The following NCKIPSD variants were observed in gnomAD, a reference collection of about 807,000 sequenced individuals.
The protein encoded by NCKIPSD is NCK interacting protein with SH3 domain.
A neutral mutation model predicts 73.4 loss-of-function variants in NCKIPSD; 48 were observed. That is an observed-to-expected ratio of 0.65 (90% CI 0.52 to 0.83). NCKIPSD has a LOEUF of 0.83. NCKIPSD is among the 40% of genes least tolerant of loss of function. The pLI, the probability that NCKIPSD is intolerant of heterozygous loss-of-function variation, is 0.00. For synonymous variants in NCKIPSD, 422 were observed against 403.6 expected (o/e 1.05, Z -0.54); for missense variants, 884 against 970.2 (o/e 0.91, Z 1.18).
chr3:48,684,430 G>C (rs2077403938), intron 1 of NCKIPSD, among the ~76,000 whole-genome samples: 1 of 152,154 alleles, frequency 6.6e-6, no homozygotes, highest in Non-Finnish European at 1.5e-5. Context: ...AGCAGCCATG[G>C]TGTCCACGGC....
intron 9 of NCKIPSD, 45 bp from the exon 10 acceptor site, chr3:48,679,228 AC>A (rs753564834): frequency 6.2e-7 from 1 of 1,608,538 alleles, no homozygotes; most frequent in Non-Finnish European, 8.5e-7. Context: ...TTCCCCTCCG[AC>A]CCCCGCACCA....
chr3:48,678,540 G>A (rs777838447), intron 12 of NCKIPSD, 24 bp downstream of exon 12: 9 of 1,594,832 alleles, frequency 5.6e-6, no homozygotes, highest in South Asian at 3.4e-5. Context: ...AGTGACCCCC[G>A]CTGCTGCAGC....
Position 48,681,755 on chromosome 3 carries a change from C to T in NCKIPSD, c.624G>A (p.Gly208=). The T allele has an allele frequency of 6.6e-7, 1 of 1,517,070 alleles. No individual in the cohort carries two copies. The highest frequency in any genetic ancestry group is 8.8e-7 in the Non-Finnish European group (1 of 1,134,304). 94.0% of individuals were successfully genotyped at this position (1,517,070 alleles called of 1,614,324 possible). The change falls in exon 5 of 13, where the codon GGG becomes GGA. Residue 208 remains glycine, a synonymous_variant. Coordinates refer to ENST00000294129, the MANE Select transcript of NCKIPSD (RefSeq NM_016453.4). ...AGGAGCCGCTGGACACAGAGTTACC[C>T]CCGGAGGGCATGGTGTTGTGGCCAC... is the stretch of plus-strand genomic sequence containing the variant. ...GSGGHNTMPS[G]GNSVSSGSSV...
At chr3:48,678,828 G>A (rs564105629) in intron 11 of NCKIPSD, 49 bp downstream of exon 11, 3 of 1,613,654 alleles carry the variant, frequency 1.9e-6, no homozygotes, top group African/African-American at 1.3e-5. Flanking sequence ...AGGGGTCATG[G>A]AGTCACAGGG....
chr3:48,674,886 T>A, intron 12 of NCKIPSD, 139 bp from the exon 13 acceptor site: 1 of 787,026 alleles, frequency 1.3e-6, no homozygotes, highest in Non-Finnish European at 2.0e-6. Context: ...ACCCACAATA[T>A]ACCTGGCACA....
chr3:48,674,280 G>A lies in NCKIPSD; in HGVS notation c.*264C>T, dbSNP rs562540352. ...TGTACACATGGGTGTGGGGTGAAGA[G>A]GGGGGCATGCTGAAGAGGAAGCCTA... On this transcript the variant is annotated 3_prime_UTR_variant, in exon 13 of 13. Transcript: ENST00000294129. 5.2e-6 allele frequency: 7 copies of A among 1,345,212 alleles called. No homozygotes were observed. In the African/African-American group the frequency reaches 5.9e-5, roughly 11 times the overall value. 83.3% of individuals were successfully genotyped at this position (1,345,212 alleles called of 1,614,324 possible).
rs181941927 is a variant in NCKIPSD, at chr3:48,676,110, G to A, written c.1966-1363C>T. ...TCATTCACCACCGCAAACCTCAAAC[G>A]GACACACAGCACTGCCTGAGCCTCC... On this transcript the variant is annotated intron_variant, in intron 12 of 12. Coordinates refer to ENST00000294129, the MANE Select transcript of NCKIPSD (RefSeq NM_016453.4). 2.0e-4 allele frequency among the ~76,000 whole-genome samples: 30 copies of A among 152,208 alleles called. No homozygotes were observed. In the East Asian group the frequency reaches 2.3e-3, roughly 12 times the overall value.
rs1209155416 is a variant in NCKIPSD, at chr3:48,679,073, G to A, written c.1681C>T (p.Leu561Phe). The change falls in exon 10 of 13, where the codon CTC becomes TTC. Residue 561 changes from leucine to phenylalanine, a missense_variant. Physicochemically the swap from Leu to Phe is conservative, Grantham distance 22. Coordinates refer to ENST00000294129, the MANE Select transcript of NCKIPSD (RefSeq NM_016453.4). ...ACCCCACCTGGCAGGTGCAGGTTGA[G>A]AGCCAGAAGCAGGTTCACGCAGAGG... ...PDLCVNLLLA[L>F]NLHLPAADQN... 6.2e-7 allele frequency: 1 copy of A among 1,614,152 alleles called. No individual in the cohort carries two copies. Among genetic ancestry groups the A allele is most frequent in the South Asian group, 1.1e-5 (1 of 91,082 alleles).
chr3:48,679,050 C>A lies in NCKIPSD; in HGVS notation c.1699+5G>T. Reference sequence around the variant, plus strand: ...CAGCCACCGCCCAGCCAGGCCCCACCCCACCTGGCAGGTGCAGGTTGAGAG... The same window carrying A: ...CAGCCACCGCCCAGCCAGGCCCCACACCACCTGGCAGGTGCAGGTTGAGAG... On this transcript the variant is annotated splice_donor_5th_base_variant and intron_variant, in intron 10 of 12. Coordinates refer to ENST00000294129, the MANE Select transcript of NCKIPSD (RefSeq NM_016453.4). The A allele has an allele frequency of 6.2e-7, 1 of 1,614,162 alleles. No homozygotes were observed.
rs777372660 is a variant in NCKIPSD at position 48,685,856 on chromosome 3, A to G, written c.-49T>C. ...GGAAGGTGGCAAGGGCTGCGGCGCC[A>G]CAACGCCAGGCCGGGAGCGCCGAGC... On this transcript the variant is annotated 5_prime_UTR_variant, in exon 1 of 13. Coordinates refer to ENST00000294129, the MANE Select transcript of NCKIPSD (RefSeq NM_016453.4). 562 of 1,357,330 alleles carry G rather than the reference A, an allele frequency of 4.1e-4. 2 individuals are homozygous for G. The highest frequency in any genetic ancestry group is 2.0e-3 in the Admixed American group (50 of 25,566). The allele number at this position is 1,357,330 out of a possible 1,614,324, so 84.1% of individuals were successfully genotyped here. A position where few individuals can be genotyped will look rare whatever the true frequency, so the allele number is the denominator to read the frequency against.
At position 48,682,107 on chromosome 3, in the gene NCKIPSD, G is replaced by A; in HGVS notation, c.536C>T (p.Pro179Leu). Residue 179 changes from proline (P) to leucine (L), a missense_variant, in exon 4 of 13, where the codon CCC becomes CTC. Coordinates refer to ENST00000294129, the MANE Select transcript of NCKIPSD (RefSeq NM_016453.4). ...QIPPQPRRAA[P>L]TTPPPPVKRR... The stretch of plus-strand genomic sequence containing the variant: ...CTTCACTGGTGGGGGCGGTGTGGTG[G>A]GTGCTGCTCGGCGAGGCTGTGGTGG... 1 of 1,601,166 alleles carries A rather than the reference G, an allele frequency of 6.2e-7. No individual in the cohort carries two copies. The highest frequency in any genetic ancestry group is 8.5e-7 in the Non-Finnish European group (1 of 1,179,818).
In NCKIPSD at chr3:48,681,571, G is replaced by T; in HGVS notation, c.808C>A (p.Pro270Thr). ...PPPSKASAPEPPAEEEVATGT... is the reference protein window; with the variant it reads ...PPPSKASAPETPAEEEVATGT... ...GTTGCCACTTCTTCTTCTGCAGGGG[G>T]TTCAGGTGCTGATGCCTTGGAGGGA... Residue 270 changes from proline to threonine, a missense_variant, in exon 5 of 13, where the codon CCC becomes ACC. Pro to Thr is a conservative substitution (Grantham distance 38). Coordinates refer to ENST00000294129, the MANE Select transcript of NCKIPSD (RefSeq NM_016453.4). 1 of 1,614,042 alleles carries T rather than the reference G, an allele frequency of 6.2e-7. No homozygotes were observed. Among genetic ancestry groups the T allele is most frequent in the Non-Finnish European group, 8.5e-7 (1 of 1,180,044 alleles).
Position 48,681,499 on chromosome 3 carries a change from T to C in NCKIPSD, c.880A>G (p.Ser294Gly). 1.2e-6 allele frequency: 2 copies of C among 1,614,150 alleles called. No homozygotes were observed. Among genetic ancestry groups the C allele is most frequent in the Non-Finnish European group, 1.7e-6 (2 of 1,180,028 alleles). Residue 294 changes from serine (S) to glycine (G), a missense_variant, in exon 5 of 13, where the codon AGC (serine) becomes GGC (glycine). Physicochemically the swap from Ser to Gly is moderately conservative, Grantham distance 56. Coordinates refer to ENST00000294129, the MANE Select transcript of NCKIPSD (RefSeq NM_016453.4). The stretch of plus-strand genomic sequence containing the variant: ...GCCTTCTCCTCTGTGGTCCCCAGGC[T>C]CAGTGTACCCAGGGCTTCCAGGTCA... ...SDDLEALGTL[S>G]LGTTEEKAAA...
chr3:48,677,991 ACTCT>A (rs1403368459), intron 12 of NCKIPSD, among the ~76,000 whole-genome samples: 15 of 151,668 alleles, frequency 9.9e-5, no homozygotes, highest in East Asian at 1.9e-4. Context: ...TCAAAACACG[ACTCT>A]CTATTTTCCC....
chr3:48,683,114 G>A (rs767203626), intron 1 of NCKIPSD, 102 bp from the exon 2 acceptor site: 59 of 1,529,550 alleles, frequency 3.9e-5, no homozygotes, highest in African/African-American at 1.6e-4. Flanking sequence ...CCAATATAGC[G>A]AAAGCCTGGA....
In NCKIPSD at chr3:48,680,164, A is replaced by G; in HGVS notation, c.1158T>C (p.Phe386=). The G allele has an allele frequency of 6.2e-7, 1 of 1,613,948 alleles. No homozygotes were observed. Among genetic ancestry groups the G allele is most frequent in the Non-Finnish European group, 8.5e-7 (1 of 1,180,014 alleles). ...CGTCCTTCCGGCGAGCCAGGTCTGC[A>G]AAGATCACCTCCAGCCTCTGCTGGT... The part of the protein sequence containing the change: ...CHDQQRLEVI[F]ADLARRKDDA... Residue 386 remains phenylalanine, a synonymous_variant, in exon 6 of 13, where the codon TTT becomes TTC. Coordinates refer to ENST00000294129, the MANE Select transcript of NCKIPSD (RefSeq NM_016453.4).
chr3:48,678,579 C>T lies in NCKIPSD; in HGVS notation c.1950G>A (p.Leu650=), dbSNP rs1332205800. The T allele has an allele frequency of 2.0e-5, 32 of 1,611,410 alleles. No individual in the cohort carries two copies. Among genetic ancestry groups the T allele is most frequent in the Non-Finnish European group, 2.6e-5 (31 of 1,178,640 alleles). ...CTCCAGGCACCTTGTCTCCTGGTGA[C>T]AGGTCTGCGATGTGCCGCACAGTGA... ...IDITVRHIAD[L]SPGDKLRMEY... Residue 650 remains leucine (L), a synonymous_variant, in exon 12 of 13, where the codon CTG becomes CTA. Transcript: ENST00000294129.
In NCKIPSD at chr3:48,682,151, T is replaced by C. The variant is rs746033562; in HGVS notation, c.492A>G (p.Pro164=). The part of the protein sequence containing the change: ...LGADGGLYQI[P]LPSSQIPPQP... ...GTGGTGGGATCTGGGAAGATGGAAG[T>C]GGGATCTGGAAGATGGAAGTAGGAT... The change falls in exon 4 of 13, where the codon CCA becomes CCG. Residue 164 remains proline, a synonymous_variant. Coordinates refer to ENST00000294129, the MANE Select transcript of NCKIPSD (RefSeq NM_016453.4). 1.3e-6 allele frequency: 2 copies of C among 1,596,950 alleles called. No individual in the cohort carries two copies. The highest frequency in any genetic ancestry group is 1.1e-5 in the South Asian group (1 of 90,664).
chr3:48,682,263 T>C (rs2077367325), intron 3 of NCKIPSD, 85 bp downstream of exon 3: 1 of 1,582,494 alleles, frequency 6.3e-7, no homozygotes, highest in Non-Finnish European at 8.6e-7. Flanking sequence ...CTGGGCCGCA[T>C]CACTCCTGAG....
Sources: gnomAD v4.1 joint callset for allele counts (sites outside exome capture counted in the v4.1 genomes callset) on GRCh38, gnomAD v4.1.1 for gene constraint, MANE v1.5 for transcripts, NCBI Gene and HGNC (gene_info 2026-07-23, HGNC 2026-07-21) for gene names.